The following SORCS3 variants were observed in gnomAD, a reference collection of about 807,000 sequenced individuals.
SORCS3 encodes VPS10 domain-containing receptor SorCS3.
SORCS3 carries 57 observed loss-of-function variants against 146.3 expected under a neutral mutation model. The observed-to-expected ratio is 0.39, with a 90% CI of 0.31 to 0.49. The LOEUF (loss-of-function observed/expected upper bound fraction) is 0.49. Among genes scored for constraint, SORCS3 ranks in the 20% least tolerant of loss-of-function variants. The probability of loss-of-function intolerance (pLI) is 0.92; values close to 1 mark genes in which losing one functional copy is unlikely to be tolerated. For synonymous variants in SORCS3, 653 were observed against 618.5 expected (o/e 1.06, Z -0.83); for missense variants, 1,341 against 1,575.5 (o/e 0.85, Z 2.52).
At chr10:105,156,233 C>T (rs2056207783) in intron 9 of SORCS3, among the ~76,000 whole-genome samples, 1 of 152,166 alleles carries the variant, frequency 6.6e-6, no homozygotes, top group Non-Finnish European at 1.5e-5. Context: ...TGCTATTTGC[C>T]TTTGAAACAT....
chr10:105,242,647 T>C (rs1321698969), intron 20 of SORCS3, among the ~76,000 whole-genome samples: 2 of 94,644 alleles, frequency 2.1e-5, no homozygotes, highest in Non-Finnish European at 3.8e-5. Flanking sequence ...TTTATATATA[T>C]ATTTATATAC....
At chr10:105,074,317 T>C (rs1007698482) in intron 5 of SORCS3, among the ~76,000 whole-genome samples, 2 of 152,194 alleles carry the variant, frequency 1.3e-5, no homozygotes, top group East Asian at 1.9e-4. Context: ...GAGTCTCTAG[T>C]CTCTCATTGA....
intron 1 of SORCS3, among the ~76,000 whole-genome samples, chr10:104,753,934 A>G (rs1320081808): frequency 6.6e-6 from 1 of 152,212 alleles, no homozygotes; most frequent in African/African-American, 2.4e-5. Flanking sequence ...TTGAGAATGT[A>G]TATATCTGGA....
At chr10:105,161,902 C>T (rs1003999088) in intron 11 of SORCS3, among the ~76,000 whole-genome samples, 5 of 152,108 alleles carry the variant, frequency 3.3e-5, no homozygotes, top group African/African-American at 7.2e-5. Context: ...AGCCCCTTTC[C>T]GTGCCAGCTC....
chr10:104,856,289 A>G (rs1032921186), intron 2 of SORCS3, among the ~76,000 whole-genome samples: 9 of 150,824 alleles, frequency 6.0e-5, no homozygotes, highest in African/African-American at 2.0e-4. Context: ...CTCTCTCTCT[A>G]CATATATATA....
intron 14 of SORCS3, among the ~76,000 whole-genome samples, chr10:105,197,772 A>G (rs1330160808): frequency 6.6e-6 from 1 of 152,176 alleles, no homozygotes; most frequent in Non-Finnish European, 1.5e-5. Context: ...ATCACACCTT[A>G]TTAAATTAAG....
chr10:104,991,358 G>T (rs2054992796), intron 4 of SORCS3, among the ~76,000 whole-genome samples: 1 of 152,122 alleles, frequency 6.6e-6, no homozygotes, highest in African/African-American at 2.4e-5. Flanking sequence ...GGTGTTGGCA[G>T]GGTTGATTTC....
intron 1 of SORCS3, among the ~76,000 whole-genome samples, chr10:104,759,252 C>T (rs1377400445): frequency 6.6e-6 from 1 of 152,178 alleles, no homozygotes; most frequent in Non-Finnish European, 1.5e-5. Context: ...AAAAGATAAT[C>T]CCTTAAAAGG....
intron 1 of SORCS3, among the ~76,000 whole-genome samples, chr10:104,792,603 T>C (rs1354839846): frequency 1.3e-5 from 2 of 152,234 alleles, no homozygotes; most frequent in East Asian, 3.8e-4. Flanking sequence ...CTTTGGAACA[T>C]TTCCTGCTTC....
chr10:104,844,438 A>G (rs1176032762), intron 2 of SORCS3, among the ~76,000 whole-genome samples: 1 of 152,178 alleles, frequency 6.6e-6, no homozygotes, highest in Non-Finnish European at 1.5e-5. Flanking sequence ...GGAGCAGGCT[A>G]GGCAAGTATA....
intron 20 of SORCS3, among the ~76,000 whole-genome samples, chr10:105,244,056 G>A (rs1040369393): frequency 2.6e-5 from 4 of 152,124 alleles, no homozygotes; most frequent in African/African-American, 9.7e-5. Flanking sequence ...AAAGAGAGGA[G>A]AGAGAGTCTG....
intron 1 of SORCS3, among the ~76,000 whole-genome samples, chr10:104,704,873 C>A (rs1360440934): frequency 6.6e-6 from 1 of 152,074 alleles, no homozygotes; most frequent in African/African-American, 2.4e-5. Context: ...GCCTACTCTC[C>A]CCCTCTACTT....
At chr10:104,842,390 T>C (rs2133546830) in intron 1 of SORCS3, among the ~76,000 whole-genome samples, 1 of 152,304 alleles carries the variant, frequency 6.6e-6, no homozygotes, top group South Asian at 2.1e-4. Flanking sequence ...TTAGTTCCAA[T>C]TCTGTAAATC....
chr10:104,829,753 C>G (rs113966088), intron 1 of SORCS3, among the ~76,000 whole-genome samples: 12 of 152,210 alleles, frequency 7.9e-5, no homozygotes, highest in Middle Eastern at 3.4e-3. Flanking sequence ...AGCAGTATTT[C>G]ACTTTACAGG....
At chr10:104,814,325 G>T (rs2017772821) in intron 1 of SORCS3, among the ~76,000 whole-genome samples, 1 of 152,000 alleles carries the variant, frequency 6.6e-6, no homozygotes, top group African/African-American at 2.4e-5. Context: ...AAAGGCACAT[G>T]CCATGCAAAA....
At chr10:105,100,948 T>C (rs1410649524) in intron 6 of SORCS3, among the ~76,000 whole-genome samples, 1 of 152,238 alleles carries the variant, frequency 6.6e-6, no homozygotes, top group African/African-American at 2.4e-5. Flanking sequence ...TGAAAAGCCA[T>C]GCTGCTACTT....
intron 6 of SORCS3, among the ~76,000 whole-genome samples, chr10:105,096,623 G>A (rs763249593): frequency 6.6e-6 from 1 of 152,240 alleles, no homozygotes; most frequent in Admixed American, 6.5e-5. Flanking sequence ...AGGAGTGACC[G>A]AAGGCTGCAC....
chr10:104,829,048 A>G (rs969482104), intron 1 of SORCS3, among the ~76,000 whole-genome samples: 4 of 152,140 alleles, frequency 2.6e-5, no homozygotes, highest in African/African-American at 7.2e-5. Context: ...TGTCCTGACC[A>G]CCTCAGCTCA....
chr10:105,096,114 A>ACACACACACG (rs1554876847), intron 6 of SORCS3, among the ~76,000 whole-genome samples: 1 of 150,476 alleles, frequency 6.6e-6, no homozygotes, highest in Non-Finnish European at 1.5e-5. Flanking sequence ...ACACACACAC[A>ACACACACACG]CACACACACA....
Sources: gnomAD v4.1 joint callset for allele counts (sites outside exome capture counted in the v4.1 genomes callset) on GRCh38, gnomAD v4.1.1 for gene constraint, MANE v1.5 for transcripts, NCBI Gene and HGNC (gene_info 2026-07-23, HGNC 2026-07-21) for gene names.